Variants in ITPR1 observed in about 807,000 individuals in gnomAD.
ITPR1 encodes inositol 1,4,5-trisphosphate-gated calcium channel ITPR1.
Under a neutral mutation model 318.4 loss-of-function variants are expected in ITPR1, and 96 were observed. The observed-to-expected ratio is 0.30, with a 90% confidence interval of 0.26 to 0.36. ITPR1 has a LOEUF of 0.36. ITPR1 is among the 10% of genes least tolerant of loss of function. ITPR1 has a pLI of 1.00. For missense variants in ITPR1, 2,440 were observed against 3,460.2 expected, an observed-to-expected ratio of 0.71 and a Z score of 7.40; for synonymous variants, 1,312 against 1,289.9, an observed-to-expected ratio of 1.02 and a Z score of -0.37.
At chr3:4,842,403 T>G (rs1043681808) in intron 61 of ITPR1, among the ~76,000 whole-genome samples, 23 of 152,358 alleles carry the variant, frequency 1.5e-4, no homozygotes, top group Admixed American at 6.5e-4. Context: ...AGTCTCCCTG[T>G]GTTGCCCAGG....
At chr3:4,681,126 A>T (rs2094290410) in intron 25 of ITPR1, among the ~76,000 whole-genome samples, 1 of 152,142 alleles carries the variant, frequency 6.6e-6, no homozygotes, top group Non-Finnish European at 1.5e-5. Flanking sequence ...AGCTTCCATG[A>T]GTGAGATCAT....
intron 10 of ITPR1, among the ~76,000 whole-genome samples, chr3:4,646,337 G>A (rs1368727062): frequency 1.3e-5 from 2 of 152,240 alleles, no homozygotes; most frequent in African/African-American, 2.4e-5. Flanking sequence ...GAAGGAGATA[G>A]CATCTGATCT....
rs543766811 is a variant in ITPR1 at position 4,760,008 on chromosome 3, G to C, written c.5545-6522G>C. 1.3e-3 allele frequency among the ~76,000 whole-genome samples: 197 copies of C among 152,372 alleles called. 2 individuals are homozygous for C. Among genetic ancestry groups the C allele is most frequent in the African/African-American group, 4.6e-3 (192 of 41,584 alleles). ...ATCAGGGATGTCTGGGACTGGTGCT[G>C]AGGATCTGCCCGCAGACCAGCTTTG... On this transcript the variant is annotated intron_variant, in intron 44 of 61. Coordinates refer to ENST00000649015, the MANE Select transcript of ITPR1 (RefSeq NM_001378452.1).
chr3:4,657,772 AT>A (rs544621753), intron 12 of ITPR1, among the ~76,000 whole-genome samples: 32 of 151,380 alleles, frequency 2.1e-4, no homozygotes, highest in Middle Eastern at 3.4e-3. Flanking sequence ...GCCTGGGCTA[AT>A]TTTTTGTATC....
intron 10 of ITPR1, among the ~76,000 whole-genome samples, chr3:4,649,245 G>A (rs1419608912): frequency 6.6e-5 from 10 of 152,270 alleles, no homozygotes; most frequent in African/African-American, 2.4e-4. Flanking sequence ...TCTATGAACA[G>A]GATATTTTTG....
chr3:4,792,321 GA>G (rs1156811305), intron 52 of ITPR1, among the ~76,000 whole-genome samples: 1 of 152,222 alleles, frequency 6.6e-6, no homozygotes, highest in Non-Finnish European at 1.5e-5. Flanking sequence ...CAACATGTTG[GA>G]GGGGGGCACG....
intron 61 of ITPR1, among the ~76,000 whole-genome samples, chr3:4,842,822 A>G (rs2051450675): frequency 6.6e-6 from 1 of 152,198 alleles, no homozygotes; most frequent in Admixed American, 6.5e-5. Context: ...AATGCTAAGG[A>G]TAGACTTTGG....
intron 2 of ITPR1, among the ~76,000 whole-genome samples, chr3:4,512,630 G>T (rs1029991340): frequency 4.6e-5 from 7 of 152,002 alleles, no homozygotes; most frequent in African/African-American, 1.7e-4. Flanking sequence ...AAATTTTGAT[G>T]CCCTGGAATC....
At chr3:4,567,617 C>G (rs59377625) in intron 4 of ITPR1, among the ~76,000 whole-genome samples, 2,969 of 151,334 alleles carry the variant, frequency 0.02, 74 homozygotes, top group African/African-American at 0.057. Context: ...TTTTTGGTTT[C>G]TTTTTTGAGA....
At chr3:4,732,346 C>A (rs1386439126) in intron 42 of ITPR1, among the ~76,000 whole-genome samples, 1 of 151,796 alleles carries the variant, frequency 6.6e-6, no homozygotes, top group Non-Finnish European at 1.5e-5. Context: ...GTTTTGAAAC[C>A]CCTCATTCAT....
chr3:4,505,729 G>C (rs1420398442), intron 2 of ITPR1, among the ~76,000 whole-genome samples: 1 of 152,174 alleles, frequency 6.6e-6, no homozygotes, highest in African/African-American at 2.4e-5. Context: ...GAGGATAGAC[G>C]CAAAGGGTGC....
At chr3:4,688,991 T>A (rs2094440110) in intron 31 of ITPR1, among the ~76,000 whole-genome samples, 1 of 152,246 alleles carries the variant, frequency 6.6e-6, no homozygotes, top group Admixed American at 6.5e-5. Flanking sequence ...ATATATAATA[T>A]TTCCATATCA....
intron 10 of ITPR1, among the ~76,000 whole-genome samples, chr3:4,648,919 CTTG>C (rs1559610311): frequency 6.6e-6 from 1 of 152,176 alleles, no homozygotes; most frequent in South Asian, 2.1e-4. Flanking sequence ...TGAAATAAAA[CTTG>C]TTGTTTGCAA....
At position 4,705,409 on chromosome 3, in the gene ITPR1, C is replaced by T. The variant is rs552057227; in HGVS notation, c.4658-758C>T. Reference sequence around the variant, plus strand: ...ACAGTGCTATTACCTCAACTCCAGGCTCGATTCGAATTTCACCACTTTTCC... The same window carrying T: ...ACAGTGCTATTACCTCAACTCCAGGTTCGATTCGAATTTCACCACTTTTCC... On this transcript the variant is annotated intron_variant, in intron 36 of 61. Coordinates refer to ENST00000649015, the MANE Select transcript of ITPR1 (RefSeq NM_001378452.1). 7.9e-5 allele frequency among the ~76,000 whole-genome samples: 12 copies of T among 152,310 alleles called. No individual in the cohort carries two copies. In the South Asian group the frequency reaches 2.3e-3, roughly 29 times the overall value.
At chr3:4,794,867 A>T in intron 52 of ITPR1, 198 bp from the exon 53 acceptor site, 1 of 527,020 alleles carries the variant, frequency 1.9e-6, no homozygotes, top group Non-Finnish European at 3.2e-6. Context: ...CTGTTCCAGT[A>T]AGTACTCCAC....
In ITPR1 at chr3:4,825,704, T is replaced by C. The variant is rs768501981; in HGVS notation, c.8028+7462T>C. 21 of 456,388 alleles carry C rather than the reference T, an allele frequency of 4.6e-5. 1 individual carries two copies. Among genetic ancestry groups the C allele is most frequent in the Middle Eastern group, 3.2e-4 (1 of 3,090 alleles). 28.3% of individuals were successfully genotyped at this position (456,388 alleles called of 1,614,324 possible). A position where few individuals can be genotyped will look rare whatever the true frequency, so the allele number is the denominator to read the frequency against. On this transcript the variant is annotated intron_variant, in intron 60 of 61. Coordinates refer to ENST00000649015, the MANE Select transcript of ITPR1 (RefSeq NM_001378452.1). ...AAAATGGAAACTTAATACCTGCGTG[T>C]CACTACCTTCTGTTTAAAAGGGGAA...
chr3:4,650,205 C>G, intron 10 of ITPR1, among the ~76,000 whole-genome samples: 1 of 152,144 alleles, frequency 6.6e-6, no homozygotes, highest in East Asian at 1.9e-4. Flanking sequence ...TCATATGCAA[C>G]TTTTTATGTG....
intron 55 of ITPR1, 134 bp from the exon 56 acceptor site, chr3:4,811,131 C>A: frequency 2.2e-6 from 1 of 460,880 alleles, no homozygotes; most frequent in Non-Finnish European, 3.7e-6. Flanking sequence ...GGAAGATGTT[C>A]AGTGTTAAGA....
intron 60 of ITPR1, among the ~76,000 whole-genome samples, chr3:4,828,929 T>C (rs563291410): frequency 3.3e-5 from 5 of 152,186 alleles, no homozygotes; most frequent in African/African-American, 9.6e-5. Flanking sequence ...GAAATCAGTA[T>C]CCCTAAAATT....
Sources: allele counts gnomAD v4.1 joint callset (sites outside exome capture counted in the v4.1 genomes callset), GRCh38; gene constraint gnomAD v4.1.1; transcripts MANE v1.5; gene names NCBI Gene and HGNC (gene_info 2026-07-23, HGNC 2026-07-21).